TOP6BL: variants seen among roughly 807,000 people sequenced by gnomAD.
TOP6BL encodes the protein type 2 DNA topoisomerase 6 subunit B-like.
At chr11:66,828,282 A>T in the TOP6BL span, 1 of 1,613,632 alleles carries the variant, frequency 6.2e-7, no homozygotes, top group East Asian at 2.2e-5. Flanking sequence ...GACACACAAG[A>T]GTTCAGGACC....
At chr11:66,768,196 C>T in the TOP6BL span, among the ~76,000 whole-genome samples, 1 of 151,476 alleles carries the variant, frequency 6.6e-6, no homozygotes, top group East Asian at 1.9e-4. Context: ...TCCAGACTTG[C>T]TCAACATTGA....
At chr11:66,795,886 A>C in the TOP6BL span, 3 of 156,554 alleles carry the variant, frequency 1.9e-5, no homozygotes, top group Non-Finnish European at 4.2e-5. Context: ...CTCCACTCAG[A>C]TTCTTTTTTT....
the TOP6BL span, among the ~76,000 whole-genome samples, chr11:66,748,100 A>G: frequency 6.6e-6 from 1 of 152,246 alleles, no homozygotes; most frequent in Non-Finnish European, 1.5e-5. Context: ...TATTATTTCC[A>G]GATGAATTTA....
At chr11:66,746,498 T>G in the TOP6BL span, among the ~76,000 whole-genome samples, 22 of 152,250 alleles carry the variant, frequency 1.4e-4, no homozygotes, top group East Asian at 4.3e-3. Flanking sequence ...GCGGATCACC[T>G]GAGGTCGGGA....
chr11:66,746,344 T>G, the TOP6BL span, among the ~76,000 whole-genome samples: 1 of 151,854 alleles, frequency 6.6e-6, no homozygotes, highest in Non-Finnish European at 1.5e-5. Context: ...CTCAGCACTT[T>G]GGGAGACCGA....
the TOP6BL span, among the ~76,000 whole-genome samples, chr11:66,808,705 A>G: frequency 6.6e-6 from 1 of 152,254 alleles, no homozygotes; most frequent in East Asian, 1.9e-4. Context: ...CACTGGTTTA[A>G]CAGCAGATTA....
chr11:66,788,189 G>A, the TOP6BL span: 4 of 1,613,824 alleles, frequency 2.5e-6, no homozygotes, highest in South Asian at 4.4e-5. Flanking sequence ...CGGAATCTCT[G>A]CAAAGCTGAC....
the TOP6BL span, among the ~76,000 whole-genome samples, chr11:66,811,363 C>T: frequency 2.0e-5 from 3 of 151,990 alleles, no homozygotes; most frequent in African/African-American, 4.8e-5. Flanking sequence ...AGCTAATTTT[C>T]GTATTTTTAA....
the TOP6BL span, among the ~76,000 whole-genome samples, chr11:66,813,516 C>T: frequency 6.6e-6 from 1 of 152,044 alleles, no homozygotes; most frequent in African/African-American, 2.4e-5. Flanking sequence ...GGGCAGATCA[C>T]GAGGTCAAGA....
At chr11:66,809,338 T>C in the TOP6BL span, among the ~76,000 whole-genome samples, 2 of 152,214 alleles carry the variant, frequency 1.3e-5, no homozygotes, top group African/African-American at 4.8e-5. Flanking sequence ...CTAATAGTGT[T>C]AATGTCTTGA....
At chr11:66,751,574 C>T in the TOP6BL span, among the ~76,000 whole-genome samples, 1 of 150,776 alleles carries the variant, frequency 6.6e-6, no homozygotes, top group Non-Finnish European at 1.5e-5. Flanking sequence ...TGGACTCAAG[C>T]GATCCACCTG....
chr11:66,755,020 A>G, the TOP6BL span, among the ~76,000 whole-genome samples: 1 of 152,070 alleles, frequency 6.6e-6, no homozygotes, highest in African/African-American at 2.4e-5. Flanking sequence ...ATTTTATTAT[A>G]TAAATCAGGT....
the TOP6BL span, chr11:66,843,185 A>G: frequency 1.9e-6 from 3 of 1,611,216 alleles, no homozygotes; most frequent in Non-Finnish European, 2.5e-6. Context: ...CTGTGGCTGC[A>G]GGAGGTCTCC....
chr11:66,782,699 C>G, the TOP6BL span, among the ~76,000 whole-genome samples: 2 of 152,148 alleles, frequency 1.3e-5, no homozygotes, highest in Non-Finnish European at 2.9e-5. Flanking sequence ...CTGAAAACAA[C>G]TGTCTCATAT....
At chr11:66,779,921 A>G in the TOP6BL span, among the ~76,000 whole-genome samples, 1 of 150,864 alleles carries the variant, frequency 6.6e-6, no homozygotes, top group Non-Finnish European at 1.5e-5. Context: ...CAAAAAACCA[A>G]ACACCGCATG....
At chr11:66,776,151 C>T in the TOP6BL span, among the ~76,000 whole-genome samples, 101 of 152,000 alleles carry the variant, frequency 6.6e-4, 1 homozygote, top group East Asian at 4.7e-3. Context: ...CTCCACCTCC[C>T]GGGTTCAAGT....
At chr11:66,770,077 A>C in the TOP6BL span, among the ~76,000 whole-genome samples, 1 of 152,016 alleles carries the variant, frequency 6.6e-6, no homozygotes, top group Non-Finnish European at 1.5e-5. Flanking sequence ...AGAGGAAGGG[A>C]GAGAGAGATT....
At chr11:66,804,940 G>T in the TOP6BL span, among the ~76,000 whole-genome samples, 1 of 152,068 alleles carries the variant, frequency 6.6e-6, no homozygotes, top group Non-Finnish European at 1.5e-5. Flanking sequence ...GGTGGCAGGC[G>T]CCTGTAATCC....
At chr11:66,835,650 A>G in the TOP6BL span, among the ~76,000 whole-genome samples, 2 of 152,222 alleles carry the variant, frequency 1.3e-5, no homozygotes, top group African/African-American at 4.8e-5. Flanking sequence ...GACACTTCAT[A>G]TAGATGGGAC....
Sources: gnomAD v4.1 joint callset for allele counts (sites outside exome capture counted in the v4.1 genomes callset) on GRCh38, gnomAD v4.1.1 for gene constraint, MANE v1.5 for transcripts, NCBI Gene and HGNC (gene_info 2026-07-23, HGNC 2026-07-21) for gene names.